SIN3B: variants seen among roughly 807,000 people sequenced by gnomAD.
SIN3B encodes SIN3 transcription regulator family member B.
A neutral mutation model predicts 120.2 loss-of-function variants in SIN3B; 19 were observed. That is an observed-to-expected ratio of 0.16 (90% CI 0.11 to 0.23). SIN3B has a LOEUF of 0.23. Ranked by LOEUF, SIN3B falls within the 10% of genes least tolerant of loss-of-function variation. The pLI is 1.00. For missense variants in SIN3B, 1,073 were observed against 1,573.0 expected, an observed-to-expected ratio of 0.68 and a Z score of 5.38; for synonymous variants, 654 against 653.2, an observed-to-expected ratio of 1.00 and a Z score of -0.02.
intron 14 of SIN3B, among the ~76,000 whole-genome samples, chr19:16,871,971 G>A (rs918083339): frequency 6.6e-6 from 1 of 152,078 alleles, no homozygotes. Flanking sequence ...AGGGAGGGTG[G>A]GAATAGTGAT....
At position 16,838,545 on chromosome 19, in the gene SIN3B, T is replaced by C. The variant is rs927663785; in HGVS notation, c.382-3223T>C. The stretch of plus-strand genomic sequence containing the variant: ...TAAGACTGAATCATTCTCCACTGTA[T>C]GGCAGGACCACATTTCGCATGCCCA... On this transcript the variant is annotated intron_variant, in intron 3 of 18. Transcript: ENST00000248054. Among the ~76,000 whole-genome samples, 6 of 152,330 alleles carry C rather than the reference T, an allele frequency of 3.9e-5. No homozygotes were observed. In the East Asian group the frequency reaches 7.7e-4, roughly 20 times the overall value.
chr19:16,843,913 A>G (rs1971449730), intron 4 of SIN3B: 1 of 152,304 alleles, frequency 6.6e-6, no homozygotes, highest in African/African-American at 2.4e-5. Flanking sequence ...CAGCGGCATC[A>G]TCACAGCTCA....
At chr19:16,871,091 A>G in intron 13 of SIN3B, 138 bp from the exon 14 acceptor site, 2 of 1,055,698 alleles carry the variant, frequency 1.9e-6, no homozygotes, top group Non-Finnish European at 2.8e-6. Flanking sequence ...GGTGATTCCC[A>G]CATTTGCCCC....
Position 16,839,183 on chromosome 19 carries a change from G to A in SIN3B, c.382-2585G>A, listed in dbSNP as rs189306840. Among the ~76,000 whole-genome samples, 355 of 152,022 alleles carry A rather than the reference G, an allele frequency of 2.3e-3. 1 individual carries two copies. The highest frequency in any genetic ancestry group is 4.3e-3 in the Non-Finnish European group (295 of 67,972). On this transcript the variant is annotated intron_variant, in intron 3 of 18. Transcript: ENST00000248054. ...GGGTTTTGCAATGTTGGCCAGGCTC[G>A]TCTCAAACTCCTGACTTCAAGGGAT...
At chr19:16,859,879 A>G (rs1187812610) in intron 8 of SIN3B, among the ~76,000 whole-genome samples, 2 of 151,998 alleles carry the variant, frequency 1.3e-5, no homozygotes, top group African/African-American at 4.8e-5. Flanking sequence ...CGGGCACGTG[A>G]CCACCCCGGG....
chr19:16,866,291 A>G (rs1971771665), intron 11 of SIN3B, 82 bp from the exon 12 acceptor site: 3 of 1,417,664 alleles, frequency 2.1e-6, no homozygotes, highest in Non-Finnish European at 2.9e-6. Context: ...GTCAAGTCCC[A>G]GAGGAAGACA....
rs78297704 is a variant in SIN3B at position 16,879,013 on chromosome 19, G to A, written c.*286G>A. ...AACAAGCAATCATGTTTGCGTCCCC[G>A]TCCGTCACATGTGCCAAATCCCTGG... On this transcript the variant is annotated 3_prime_UTR_variant, in exon 19 of 19. Transcript: ENST00000248054. The A allele has an allele frequency of 1.3e-3, 630 of 492,704 alleles. 4 individuals are homozygous for A. Among genetic ancestry groups the A allele is most frequent in the African/African-American group, 0.012 (586 of 50,510 alleles). The allele number at this position is 492,704 out of a possible 1,614,324, so 30.5% of individuals were successfully genotyped here. A position where few individuals can be genotyped will look rare whatever the true frequency, so the allele number is the denominator to read the frequency against.
chr19:16,852,213 G>A (rs1349209592), intron 6 of SIN3B, among the ~76,000 whole-genome samples: 1 of 151,808 alleles, frequency 6.6e-6, no homozygotes, highest in South Asian at 2.1e-4. Context: ...TGCAAGCTCC[G>A]CCTCCCGGGT....
intron 5 of SIN3B, among the ~76,000 whole-genome samples, chr19:16,849,848 T>C (rs537658907): frequency 4.3e-4 from 65 of 151,072 alleles, no homozygotes; most frequent in African/African-American, 1.5e-3. Context: ...CCCAGCTACA[T>C]AGAAGGCTGA....
chr19:16,842,652 C>T (rs1971432630), intron 4 of SIN3B, among the ~76,000 whole-genome samples: 1 of 152,146 alleles, frequency 6.6e-6, no homozygotes, highest in Admixed American at 6.5e-5. Flanking sequence ...CAACTGGGCC[C>T]AGCACCAGGA....
intron 8 of SIN3B, among the ~76,000 whole-genome samples, chr19:16,860,598 T>A (rs1202482694): frequency 2.1e-5 from 3 of 140,094 alleles, no homozygotes; most frequent in Non-Finnish European, 3.1e-5. Context: ...AACTGCAACT[T>A]TTTTTTTTTT....
At chr19:16,873,141 G>C (rs893894325) in intron 14 of SIN3B, among the ~76,000 whole-genome samples, 3 of 148,752 alleles carry the variant, frequency 2.0e-5, no homozygotes, top group Non-Finnish European at 4.5e-5. Context: ...GTGGGCTCAC[G>C]TTGCATTTCC....
intron 8 of SIN3B, among the ~76,000 whole-genome samples, chr19:16,857,714 C>CGAGG: frequency 6.6e-6 from 1 of 152,238 alleles, no homozygotes; most frequent in East Asian, 1.9e-4. Context: ...CATTCCAGTC[C>CGAGG]CTGCCCCTCA....
Position 16,869,887 on chromosome 19 carries a change from C to G in SIN3B, c.2234C>G (p.Ala745Gly), listed in dbSNP as rs180697016. 3 of 1,614,226 alleles carry G rather than the reference C, an allele frequency of 1.9e-6. No individual in the cohort carries two copies. The highest frequency in any genetic ancestry group is 2.5e-6 in the Non-Finnish European group (3 of 1,180,048). Residue 745 changes from alanine (A) to glycine (G), a missense_variant, in exon 13 of 19, where the codon GCC becomes GGC. By Grantham distance (60) the Ala-to-Gly change is moderately conservative. Around this residue, in one of 7 missense-constraint regions of SIN3B, gnomAD observed 169 missense variants for 207.3 expected, o/e 0.82. Transcript: ENST00000248054. Reference sequence around the variant, plus strand: ...GACGATGTCTACAGCCTATTTTTTGCCAACAACAACTGGTACTTCTTCCTG... The same window carrying G: ...GACGATGTCTACAGCCTATTTTTTGGCAACAACAACTGGTACTTCTTCCTG... Reference protein sequence around the residue: ...PLDDVYSLFFANNNWYFFLRL... With the variant: ...PLDDVYSLFFGNNNWYFFLRL...
Position 16,869,442 on chromosome 19 carries a change from C to T in SIN3B, c.1807-18C>T, listed in dbSNP as rs372604425. On this transcript the variant is annotated intron_variant, in intron 12 of 18. Transcript: ENST00000248054. ...TGCTGGGTGGCTTTCCACCTAATGG[C>T]CGCCCTTCCCCCCACAGCACCAGGA... 1.0e-4 allele frequency: 165 copies of T among 1,588,924 alleles called. No individual in the cohort carries two copies. The highest frequency in any genetic ancestry group is 1.3e-4 in the Non-Finnish European group (153 of 1,164,664).
intron 8 of SIN3B, among the ~76,000 whole-genome samples, chr19:16,857,933 A>G (rs980970036): frequency 3.3e-5 from 5 of 151,622 alleles, no homozygotes; most frequent in African/African-American, 9.7e-5. Flanking sequence ...CTGGAGTGCA[A>G]TGGTGCGATC....
At chr19:16,842,168 A>T (rs147289635) in intron 4 of SIN3B, among the ~76,000 whole-genome samples, 200 bp downstream of exon 4, 253 of 149,930 alleles carry the variant, frequency 1.7e-3, no homozygotes, top group African/African-American at 5.8e-3. Context: ...GCTCATTGCA[A>T]CCTCCACCTC....
rs919874198 is a variant in SIN3B at position 16,841,788 on chromosome 19, G to A, written c.402G>A (p.Gly134=). ...LTSQENSHNH[G]DGAEDFKQQV... Reference sequence around the variant, plus strand: ...GTCAGGAGAATTCGCACAACCACGGGGACGGTGCAGAGGACTTCAAGCAGC... The same window carrying A: ...GTCAGGAGAATTCGCACAACCACGGAGACGGTGCAGAGGACTTCAAGCAGC... The change falls in exon 4 of 19, where the codon GGG becomes GGA. Residue 134 remains glycine, a synonymous_variant. Coordinates refer to ENST00000248054, the MANE Select transcript of SIN3B (RefSeq NM_001297595.2). 1.2e-6 allele frequency: 2 copies of A among 1,614,058 alleles called. No homozygotes were observed. The highest frequency in any genetic ancestry group is 1.7e-6 in the Non-Finnish European group (2 of 1,180,010).
Position 16,862,581 on chromosome 19 carries a change from A to C in SIN3B, c.1266+22A>C. On this transcript the variant is annotated intron_variant, in intron 9 of 18. Coordinates refer to ENST00000248054, the MANE Select transcript of SIN3B (RefSeq NM_001297595.2). The surrounding 1 kb of genome is among the most constrained non-coding windows in gnomAD (Gnocchi z 4.7). ...GGAGGTAGCGCTCCCTGGGGCTCAA[A>C]TGTTCGTTGACATGGTGCATCCCCC... is the stretch of plus-strand genomic sequence containing the variant. 6.3e-7 allele frequency: 1 copy of C among 1,599,624 alleles called. No homozygotes were observed. Among genetic ancestry groups the C allele is most frequent in the Non-Finnish European group, 8.5e-7 (1 of 1,171,956 alleles).
Sources: allele counts gnomAD v4.1 joint callset (sites outside exome capture counted in the v4.1 genomes callset), GRCh38; gene constraint gnomAD v4.1.1; regional missense constraint gnomAD v4.1.1; non-coding constraint Gnocchi (gnomAD v3.1); transcripts MANE v1.5; gene names NCBI Gene and HGNC (gene_info 2026-07-23, HGNC 2026-07-21).